GPRC5A: variants seen among roughly 807,000 people sequenced by gnomAD.
The protein encoded by GPRC5A is retinoic acid-induced protein 3.
A neutral mutation model predicts 22.5 loss-of-function variants in GPRC5A; 19 were observed. The ratio of observed to expected loss-of-function variants is 0.85; its 90% CI spans 0.59 to 1.24. The LOEUF (loss-of-function observed/expected upper bound fraction) is 1.24. Ranked by LOEUF, GPRC5A falls within the 50% of genes most tolerant of loss-of-function variation. GPRC5A has a pLI of 0.00. For missense variants in GPRC5A, 471 were observed against 451.1 expected, an observed-to-expected ratio of 1.04 and a Z score of -0.40; for synonymous variants, 192 against 184.5, an observed-to-expected ratio of 1.04 and a Z score of -0.33.
At position 12,912,745 on chromosome 12, in the gene GPRC5A, A is replaced by ATT. The variant is rs111900693; in HGVS notation, c.*218_*219dup. ...CTCCAGTTCTTAGAGGCGCTGTAGT[A>ATT]TTTTTTTTTTTTTGTCTCATCCTTT... is the stretch of plus-strand genomic sequence containing the variant. On this transcript the variant is annotated 3_prime_UTR_variant, in exon 4 of 4. Coordinates refer to ENST00000014914, the MANE Select transcript of GPRC5A (RefSeq NM_003979.4). The ATT allele has an allele frequency of 0.028, 12,073 of 432,060 alleles. 651 individuals carry two copies. Among genetic ancestry groups the ATT allele is most frequent in the African/African-American group, 0.17 (8,021 of 46,890 alleles). The allele number at this position is 432,060 out of a possible 1,614,324, so 26.8% of individuals were successfully genotyped here. A position where few individuals can be genotyped will look rare whatever the true frequency, so the allele number is the denominator to read the frequency against.
chr12:12,903,557 G>T lies in GPRC5A; in HGVS notation c.-7-4686G>T, dbSNP rs919308925. Among the ~76,000 whole-genome samples, 4 of 152,338 alleles carry T rather than the reference G, an allele frequency of 2.6e-5. No homozygotes were observed. In the South Asian group the frequency reaches 8.3e-4, roughly 32 times the overall value. On this transcript the variant is annotated intron_variant, in intron 1 of 3. Transcript: ENST00000014914. Reference sequence around the variant, plus strand: ...CCGCTTCGGCCTCCCAAAGTGCTAGGATTAAAGGCCTGAGCCACTGCGGCT... The same window carrying T: ...CCGCTTCGGCCTCCCAAAGTGCTAGTATTAAAGGCCTGAGCCACTGCGGCT...
At chr12:12,902,941 C>T (rs2136458614) in intron 1 of GPRC5A, among the ~76,000 whole-genome samples, 1 of 152,272 alleles carries the variant, frequency 6.6e-6, no homozygotes, top group South Asian at 2.1e-4. Flanking sequence ...GTGGCGCATG[C>T]CTGTAATCCC....
rs373301371 is a variant in GPRC5A, at chr12:12,917,251, TGCGTGC to T, written c.*4714_*4719del. 265 of 60,134 alleles carry T rather than the reference TGCGTGC, an allele frequency of 4.4e-3. 1 individual carries two copies. In the East Asian group the frequency reaches 0.063, roughly 14 times the overall value. The allele number at this position is 60,134 out of a possible 1,614,324, so 3.7% of individuals were successfully genotyped here. On this transcript the variant is annotated 3_prime_UTR_variant, in exon 4 of 4. Transcript: ENST00000014914. ...GTGTGTGTGTGTGTGTGTGTGTGTGTGCGTGCGTGCGTGTATGTGCGCCTGACCCTG... is the reference window on the plus strand; with the variant it reads ...GTGTGTGTGTGTGTGTGTGTGTGTGTGTGCGTGTATGTGCGCCTGACCCTG...
At position 12,911,316 on chromosome 12, in the gene GPRC5A, A is replaced by G. The variant is rs568280125; in HGVS notation, c.923-768A>G. Among the ~76,000 whole-genome samples, 6 of 152,278 alleles carry G rather than the reference A, an allele frequency of 3.9e-5. No homozygotes were observed. The South Asian group carries it at 1.2e-3, about 32-fold the overall frequency. On this transcript the variant is annotated intron_variant, in intron 2 of 3. Coordinates refer to ENST00000014914, the MANE Select transcript of GPRC5A (RefSeq NM_003979.4). ...TTCCCAAGCCTTTGGTTTTCCCCAA[A>G]TACACAGAAAACAGTTGCTCATCAA... is the stretch of plus-strand genomic sequence containing the variant.
Position 12,913,738 on chromosome 12 carries a change from T to C in GPRC5A, c.*1199T>C, listed in dbSNP as rs1864031608. 1 of 152,204 alleles carries C rather than the reference T, an allele frequency of 6.6e-6. No individual in the cohort carries two copies. The highest frequency in any genetic ancestry group is 1.5e-5 in the Non-Finnish European group (1 of 68,058). 9.4% of individuals were successfully genotyped at this position (152,204 alleles called of 1,614,324 possible). The stretch of plus-strand genomic sequence containing the variant: ...TCATGTTGGAGCTGAAGTTCAAGGT[T>C]CACTTCCTTTGGGTTTGTACTTGAC... On this transcript the variant is annotated 3_prime_UTR_variant, in exon 4 of 4. Coordinates refer to ENST00000014914, the MANE Select transcript of GPRC5A (RefSeq NM_003979.4).
At chr12:12,902,206 C>T (rs1337669853) in intron 1 of GPRC5A, among the ~76,000 whole-genome samples, 1 of 152,068 alleles carries the variant, frequency 6.6e-6, no homozygotes, top group East Asian at 1.9e-4. Flanking sequence ...TTACTAAATT[C>T]AAAGTACTCA....
rs7311670 is a variant in GPRC5A at position 12,912,760 on chromosome 12, T to G, written c.*221T>G. 0.25 allele frequency: 126,578 copies of G among 498,962 alleles called. 18,409 individuals carry two copies. Among genetic ancestry groups the G allele is most frequent in the Admixed American group, 0.36 (10,120 of 28,442 alleles). The allele number at this position is 498,962 out of a possible 1,614,324, so 30.9% of individuals were successfully genotyped here. ...GCGCTGTAGTATTTTTTTTTTTTTG[T>G]CTCATCCTTTGGATACTTCTTTTAA... On this transcript the variant is annotated 3_prime_UTR_variant, in exon 4 of 4. Coordinates refer to ENST00000014914, the MANE Select transcript of GPRC5A (RefSeq NM_003979.4).
At chr12:12,898,789 C>G (rs1863850557) in intron 1 of GPRC5A, among the ~76,000 whole-genome samples, 1 of 152,192 alleles carries the variant, frequency 6.6e-6, no homozygotes, top group Non-Finnish European at 1.5e-5. Flanking sequence ...AAAGCCCTGT[C>G]TCTTCTACCT....
rs547337466 is a variant in GPRC5A, at chr12:12,914,437, T to G, written c.*1898T>G. On this transcript the variant is annotated 3_prime_UTR_variant, in exon 4 of 4. Coordinates refer to ENST00000014914, the MANE Select transcript of GPRC5A (RefSeq NM_003979.4). ...GGAGGTGTGACCTAATGAGGTTTGT[T>G]GTGAGAATAAAGCAATGTGGTTTCA... The G allele has an allele frequency of 2.6e-5, 4 of 152,210 alleles. No homozygotes were observed. Among genetic ancestry groups the G allele is most frequent in the African/African-American group, 4.8e-5 (2 of 41,446 alleles). 9.4% of individuals were successfully genotyped at this position (152,210 alleles called of 1,614,324 possible).
In GPRC5A at chr12:12,913,150, G is replaced by C. The variant is rs1864025172; in HGVS notation, c.*611G>C. 6.6e-6 allele frequency: 1 copy of C among 152,410 alleles called. No homozygotes were observed. Among genetic ancestry groups the C allele is most frequent in the Non-Finnish European group, 1.5e-5 (1 of 68,078 alleles). The allele number at this position is 152,410 out of a possible 1,614,324, so 9.4% of individuals were successfully genotyped here. On this transcript the variant is annotated 3_prime_UTR_variant, in exon 4 of 4. Coordinates refer to ENST00000014914, the MANE Select transcript of GPRC5A (RefSeq NM_003979.4). The stretch of plus-strand genomic sequence containing the variant: ...GCATATCTGAGCAAAAATAGCAAAA[G>C]CCTCTCTCAGCCCACTGGCCTGAAT...
Position 12,912,772 on chromosome 12 carries a change from GATA to G in GPRC5A, c.*234_*236del, listed in dbSNP as rs1460994974. ...TTTTTTTTTTTTGTCTCATCCTTTGGATACTTCTTTTAAGTGGGAGTCTCAGGC... is the reference window on the plus strand; with the variant it reads ...TTTTTTTTTTTTGTCTCATCCTTTGGCTTCTTTTAAGTGGGAGTCTCAGGC... On this transcript the variant is annotated 3_prime_UTR_variant, in exon 4 of 4. Coordinates refer to ENST00000014914, the MANE Select transcript of GPRC5A (RefSeq NM_003979.4). 295 of 481,338 alleles carry G rather than the reference GATA, an allele frequency of 6.1e-4. No homozygotes were observed. The highest frequency in any genetic ancestry group is 5.5e-3 in the African/African-American group (274 of 49,880). The allele number at this position is 481,338 out of a possible 1,614,324, so 29.8% of individuals were successfully genotyped here.
intron 2 of GPRC5A, 103 bp from the exon 3 acceptor site, chr12:12,911,981 A>G: frequency 1.4e-6 from 1 of 729,310 alleles, no homozygotes; most frequent in East Asian, 2.5e-5. Context: ...CTGGAGAGAC[A>G]GGCAATTAAA....
At chr12:12,900,508 C>T (rs1863870307) in intron 1 of GPRC5A, among the ~76,000 whole-genome samples, 1 of 152,104 alleles carries the variant, frequency 6.6e-6, no homozygotes, top group Admixed American at 6.6e-5. Context: ...TGGAGTTGAC[C>T]CAAGAAATGA....
intron 2 of GPRC5A, 72 bp downstream of exon 2, chr12:12,909,243 T>C (rs1296009729): frequency 2.8e-6 from 3 of 1,065,074 alleles, no homozygotes; most frequent in Admixed American, 2.3e-5. Context: ...ATATTATAAC[T>C]GTAAGGAACA....
At chr12:12,907,420 GAGAA>G (rs1259048015) in intron 1 of GPRC5A, among the ~76,000 whole-genome samples, 1 of 111,666 alleles carries the variant, frequency 9.0e-6, no homozygotes, top group Non-Finnish European at 1.9e-5. Context: ...AAAAAAGAGA[GAGAA>G]AGAAAAATCT....
intron 1 of GPRC5A, among the ~76,000 whole-genome samples, chr12:12,898,696 C>T (rs1863849322): frequency 6.6e-6 from 1 of 152,190 alleles, no homozygotes; most frequent in Non-Finnish European, 1.5e-5. Context: ...TCCTTTCAAG[C>T]CTGTATTTCT....
In GPRC5A at chr12:12,912,656, G is replaced by A. The variant is rs1399935842; in HGVS notation, c.*117G>A. 4.4e-6 allele frequency: 3 copies of A among 676,818 alleles called. No homozygotes were observed. Among genetic ancestry groups the A allele is most frequent in the Non-Finnish European group, 8.0e-6 (3 of 377,306 alleles). 41.9% of individuals were successfully genotyped at this position (676,818 alleles called of 1,614,324 possible). ...AACTGTACAAGACACTACGGGAACA[G>A]TTTGCCTCCCTCCCAGCCTCAACCA... On this transcript the variant is annotated 3_prime_UTR_variant, in exon 4 of 4. Transcript: ENST00000014914.
At chr12:12,899,840 G>A (rs975554212) in intron 1 of GPRC5A, among the ~76,000 whole-genome samples, 8 of 152,210 alleles carry the variant, frequency 5.3e-5, no homozygotes, top group Non-Finnish European at 7.3e-5. Flanking sequence ...TTGACAGAAT[G>A]AGAGAAATCT....
chr12:12,910,576 C>T (rs180796786), intron 2 of GPRC5A, among the ~76,000 whole-genome samples: 41 of 152,292 alleles, frequency 2.7e-4, no homozygotes, highest in Non-Finnish European at 1.5e-4. Flanking sequence ...AAGCTTTGCT[C>T]GCAGTCCAGA....
Sources: gnomAD v4.1 joint callset for allele counts (sites outside exome capture counted in the v4.1 genomes callset) on GRCh38, gnomAD v4.1.1 for gene constraint, MANE v1.5 for transcripts, NCBI Gene and HGNC (gene_info 2026-07-23, HGNC 2026-07-21) for gene names.